The following TMEM44 variants were observed in gnomAD, a reference collection of about 807,000 sequenced individuals.
The protein encoded by TMEM44 is transmembrane protein 44.
TMEM44 carries 43 observed loss-of-function variants against 47.8 expected under a neutral mutation model. The observed-to-expected ratio is 0.90, with a 90% CI of 0.70 to 1.16. The LOEUF (loss-of-function observed/expected upper bound fraction) is 1.16. TMEM44 is among the 50% of genes most tolerant of loss of function. The pLI, the probability that TMEM44 is intolerant of heterozygous loss-of-function variation, is 0.00. For missense variants in TMEM44, 568 were observed against 555.2 expected (o/e 1.02, Z -0.23); for synonymous variants, 277 against 238.8 (o/e 1.16, Z -1.48).
Position 194,633,296 on chromosome 3 carries a change from C to A in TMEM44, c.-81G>T. 1 of 670,172 alleles carries A rather than the reference C, an allele frequency of 1.5e-6. No homozygotes were observed. The highest frequency in any genetic ancestry group is 6.4e-5 in the South Asian group (1 of 15,628). 41.5% of individuals were successfully genotyped at this position (670,172 alleles called of 1,614,324 possible). On this transcript the variant is annotated 5_prime_UTR_variant, in exon 1 of 10. Transcript: ENST00000347147. ...GCGGGCAAGCCCCGAGCGCCGCCGC[C>A]CCGCGTGCCCTTCTCTGGGTTCCGT... is the stretch of plus-strand genomic sequence containing the variant.
intron 6 of TMEM44, 100 bp downstream of exon 6, chr3:194,616,999 C>T: frequency 3.0e-6 from 4 of 1,319,640 alleles, no homozygotes; most frequent in Non-Finnish European, 4.0e-6. Flanking sequence ...AGAGTTCCAT[C>T]TAGCAAGAGA....
At chr3:194,609,850 G>A (rs1381097351) in intron 8 of TMEM44, among the ~76,000 whole-genome samples, 1 of 151,884 alleles carries the variant, frequency 6.6e-6, no homozygotes, top group Admixed American at 6.6e-5. Flanking sequence ...CAGGCCACCC[G>A]CAACAACTTC....
intron 9 of TMEM44, among the ~76,000 whole-genome samples, chr3:194,589,305 C>T (rs1449411573): frequency 1.3e-5 from 2 of 152,166 alleles, no homozygotes; most frequent in Non-Finnish European, 2.9e-5. Context: ...CAGCTTCAAC[C>T]TATTCTTTAT....
intron 5 of TMEM44, among the ~76,000 whole-genome samples, chr3:194,621,991 C>G (rs1424792983): frequency 1.3e-5 from 2 of 152,206 alleles, no homozygotes; most frequent in African/African-American, 4.8e-5. Context: ...GCATTACAGG[C>G]ATGAGCCACC....
chr3:194,613,898 G>A lies in TMEM44; in HGVS notation c.912+1671C>T, dbSNP rs375420662. Reference sequence around the variant, plus strand: ...AGCACTTTGGGAAGCCGAGGTGGGCGGATCATCTGAGGTTGGGAGTTTGAG... The same window carrying A: ...AGCACTTTGGGAAGCCGAGGTGGGCAGATCATCTGAGGTTGGGAGTTTGAG... On this transcript the variant is annotated intron_variant, in intron 7 of 9. Transcript: ENST00000347147. 7.8e-4 allele frequency among the ~76,000 whole-genome samples: 118 copies of A among 151,844 alleles called. 1 individual carries two copies. The East Asian group carries it at 0.017, about 21-fold the overall frequency.
At chr3:194,609,760 C>T (rs1004035148) in intron 8 of TMEM44, among the ~76,000 whole-genome samples, 2 of 152,096 alleles carry the variant, frequency 1.3e-5, no homozygotes, top group Admixed American at 6.6e-5. Flanking sequence ...CTGCTCCAAC[C>T]TCAGTTTAGG....
chr3:194,606,955 A>AAAAAAAAG (rs1714846472), intron 8 of TMEM44, among the ~76,000 whole-genome samples: 1 of 121,006 alleles, frequency 8.3e-6, no homozygotes, highest in African/African-American at 3.1e-5. Flanking sequence ...TCTGCCTCAA[A>AAAAAAAAG]AAAAAAAAGG....
At chr3:194,620,089 G>C (rs1259412938) in intron 5 of TMEM44, among the ~76,000 whole-genome samples, 1 of 151,978 alleles carries the variant, frequency 6.6e-6, no homozygotes, top group Admixed American at 6.6e-5. Context: ...TCAGGAGTTC[G>C]AGACCAGCCT....
At chr3:194,596,558 G>A (rs1713428499) in intron 9 of TMEM44, among the ~76,000 whole-genome samples, 1 of 152,220 alleles carries the variant, frequency 6.6e-6, no homozygotes, top group Non-Finnish European at 1.5e-5. Context: ...TTGGGAGGCT[G>A]AGGCGGGCAG....
chr3:194,588,212 G>A lies in TMEM44; in HGVS notation c.*317C>T, dbSNP rs1712096249. ...CCTAGCAGGTATTCCGTTCATGGCTGACTCTCAAGGGAATGAAGGGAAAAG... is the reference window on the plus strand; with the variant it reads ...CCTAGCAGGTATTCCGTTCATGGCTAACTCTCAAGGGAATGAAGGGAAAAG... On this transcript the variant is annotated 3_prime_UTR_variant, in exon 10 of 10. Coordinates refer to ENST00000347147, the MANE Select transcript of TMEM44 (RefSeq NM_001011655.3). 1 of 299,292 alleles carries A rather than the reference G, an allele frequency of 3.3e-6. No homozygotes were observed. The highest frequency in any genetic ancestry group is 2.2e-5 in the African/African-American group (1 of 45,544). The allele number at this position is 299,292 out of a possible 1,614,324, so 18.5% of individuals were successfully genotyped here.
chr3:194,601,739 T>C (rs789845), intron 9 of TMEM44, among the ~76,000 whole-genome samples: 139,357 of 152,308 alleles, frequency 0.91, 63,825 homozygotes, highest in East Asian at 0.98. Context: ...CATGAGCCAC[T>C]GTGCCTGGCC....
At chr3:194,609,785 C>T (rs1403688548) in intron 8 of TMEM44, among the ~76,000 whole-genome samples, 1 of 152,098 alleles carries the variant, frequency 6.6e-6, no homozygotes, top group African/African-American at 2.4e-5. Context: ...ACTTCCTTTT[C>T]CTCGGGCTTC....
Position 194,633,182 on chromosome 3 carries a change from A to C in TMEM44, c.34T>G (p.Trp12Gly), listed in dbSNP as rs777555877. The change falls in exon 1 of 10, where the codon TGG becomes GGG. Residue 12 changes from tryptophan (W) to glycine (G), a missense_variant. By Grantham distance (184) the Trp-to-Gly change is radical (BLOSUM62 -2). Coordinates refer to ENST00000347147, the MANE Select transcript of TMEM44 (RefSeq NM_001011655.3). ...CAGCGGTCCAGGTAGTCCCAGTCCC[A>C]GAGCGCGGGCGCGGGGCTGGGCGCC... ...GEAPSPAPAL[W>G]DWDYLDRCFA... The C allele has an allele frequency of 2.6e-6, 4 of 1,533,618 alleles. No homozygotes were observed. The South Asian group carries it at 3.6e-5, about 14-fold the overall frequency.
chr3:194,632,835 T>G lies in TMEM44; in HGVS notation c.137+244A>C, dbSNP rs956933787. On this transcript the variant is annotated intron_variant, in intron 1 of 9. Transcript: ENST00000347147. ...ATAGCACCCAGGGCTCGCGGTGTCC[T>G]CGGGGCCCCATCCGCTGCACCACCC... 1.0e-5 allele frequency: 6 copies of G among 581,074 alleles called. No individual in the cohort carries two copies. The East Asian group carries it at 2.5e-4, about 24-fold the overall frequency. 36.0% of individuals were successfully genotyped at this position (581,074 alleles called of 1,614,324 possible).
At chr3:194,627,232 C>T (rs79990899) in intron 2 of TMEM44, among the ~76,000 whole-genome samples, 5,534 of 152,270 alleles carry the variant, frequency 0.036, 135 homozygotes, top group African/African-American at 0.061. Context: ...TGAGAATGGG[C>T]ACCCAAAATG....
chr3:194,624,499 G>C (rs1716925529), intron 3 of TMEM44, among the ~76,000 whole-genome samples: 2 of 152,086 alleles, frequency 1.3e-5, no homozygotes, highest in Non-Finnish European at 2.9e-5. Context: ...GCTCACTGCA[G>C]CCTCCACCTC....
chr3:194,604,171 G>C, intron 9 of TMEM44, 116 bp downstream of exon 9: 1 of 1,294,522 alleles, frequency 7.7e-7, no homozygotes, highest in South Asian at 1.4e-5. Context: ...TTATTTAGCA[G>C]GTATGAGGTT....
rs1432820815 is a variant in TMEM44, at chr3:194,604,461, G to A, written c.1018-16C>T. ...TGCAGCCTGCCTGCAAGGTGTGTGA[G>A]AAAGGGCAGGCAAGGACACGTAGTT... On this transcript the variant is annotated splice_polypyrimidine_tract_variant and intron_variant, in intron 8 of 9. Coordinates refer to ENST00000347147, the MANE Select transcript of TMEM44 (RefSeq NM_001011655.3). The A allele has an allele frequency of 6.7e-7, 1 of 1,491,040 alleles. No individual in the cohort carries two copies. The highest frequency in any genetic ancestry group is 9.0e-7 in the Non-Finnish European group (1 of 1,114,356). The allele number at this position is 1,491,040 out of a possible 1,614,324, so 92.4% of individuals were successfully genotyped here.
intron 9 of TMEM44, 27 bp from the exon 10 acceptor site, chr3:194,588,666 C>T: frequency 6.2e-7 from 1 of 1,600,734 alleles, no homozygotes. Context: ...CAAAGGGTAG[C>T]TGGGTGGAAC....
Sources: allele counts gnomAD v4.1 joint callset (sites outside exome capture counted in the v4.1 genomes callset), GRCh38; gene constraint gnomAD v4.1.1; transcripts MANE v1.5; gene names NCBI Gene and HGNC (gene_info 2026-07-23, HGNC 2026-07-21).